The following AREL1 variants were observed in gnomAD, a reference collection of about 807,000 sequenced individuals.
AREL1 encodes apoptosis-resistant E3 ubiquitin protein ligase 1.
A neutral mutation model predicts 99.0 loss-of-function variants in AREL1; 62 were observed. That is an observed-to-expected ratio of 0.63 (90% confidence interval 0.51 to 0.77). The LOEUF (loss-of-function observed/expected upper bound fraction) is 0.77. AREL1 is among the 30% of genes least tolerant of loss of function. AREL1 has a pLI of 0.00. For missense variants in AREL1, 879 were observed against 1,027.6 expected (o/e 0.86, Z 1.98); for synonymous variants, 380 against 376.5 (o/e 1.01, Z -0.11).
At chr14:74,693,248 T>A (rs1359976847) in intron 1 of AREL1, among the ~76,000 whole-genome samples, 1 of 152,228 alleles carries the variant, frequency 6.6e-6, no homozygotes, top group Non-Finnish European at 1.5e-5. Context: ...CTATGCAGTC[T>A]GCTCCCTTCG....
At chr14:74,698,177 A>C (rs1186916857) in intron 1 of AREL1, among the ~76,000 whole-genome samples, 2 of 152,146 alleles carry the variant, frequency 1.3e-5, no homozygotes, top group Non-Finnish European at 2.9e-5. Flanking sequence ...TTACCACTAG[A>C]GGTACTTGAG....
intron 8 of AREL1, among the ~76,000 whole-genome samples, chr14:74,674,517 G>A (rs1300740030): frequency 6.6e-6 from 1 of 152,100 alleles, no homozygotes; most frequent in Admixed American, 6.5e-5. Context: ...CACAAGAATC[G>A]CTTGAACCCG....
At chr14:74,710,876 G>A (rs1394198424) in intron 1 of AREL1, among the ~76,000 whole-genome samples, 1 of 152,180 alleles carries the variant, frequency 6.6e-6, no homozygotes, top group African/African-American at 2.4e-5. Context: ...CCCAGGACCT[G>A]AAAACTTAAT....
rs1386794642 is a variant in AREL1 at position 74,675,829 on chromosome 14, A to G, written c.950T>C (p.Met317Thr). Residue 317 changes from methionine to threonine, a missense_variant, in exon 8 of 20, where the codon ATG (methionine) becomes ACG (threonine). Coordinates refer to ENST00000356357, the MANE Select transcript of AREL1 (RefSeq NM_001039479.2). ...CSSTPWHLPP[M>T]HMTSSQRRPS... is the part of the protein sequence containing the mutation. The stretch of plus-strand genomic sequence containing the variant: ...CCGGCGCTGGGAAGAGGTCATGTGC[A>G]TGGGTGGCAGGTGCCATGGAGTGCT... 4 of 1,614,194 alleles carry G rather than the reference A, an allele frequency of 2.5e-6. No homozygotes were observed. Among genetic ancestry groups the G allele is most frequent in the Middle Eastern group, 3.3e-4 (2 of 6,062 alleles).
At chr14:74,671,110 C>G (rs995640767) in intron 12 of AREL1, among the ~76,000 whole-genome samples, 2 of 152,018 alleles carry the variant, frequency 1.3e-5, no homozygotes, top group Non-Finnish European at 2.9e-5. Flanking sequence ...GTCGGAGATC[C>G]CAGGAAATGG....
chr14:74,690,922 A>G (rs1035116382), intron 2 of AREL1: 2 of 152,172 alleles, frequency 1.3e-5, no homozygotes, highest in Non-Finnish European at 2.9e-5. Flanking sequence ...GGTAAGATGA[A>G]TACTATTATT....
chr14:74,676,626 A>G lies in AREL1; in HGVS notation c.608T>C (p.Met203Thr). ...GTAATTGTGCTCATCTCTCAAGGAC[A>G]TGGAATTGTTGGTGGGATTATCATA... is the stretch of plus-strand genomic sequence containing the variant. ...DEYDNPTNNS[M>T]SLRDEHNYTL... The change falls in exon 6 of 20, where the codon ATG becomes ACG. Residue 203 changes from methionine to threonine, a missense_variant. By Grantham distance (81) the Met-to-Thr change is moderately conservative. Coordinates refer to ENST00000356357, the MANE Select transcript of AREL1 (RefSeq NM_001039479.2). The G allele has an allele frequency of 1.9e-6, 3 of 1,614,096 alleles. No homozygotes were observed. Among genetic ancestry groups the G allele is most frequent in the South Asian group, 1.1e-5 (1 of 91,072 alleles).
intron 1 of AREL1, among the ~76,000 whole-genome samples, chr14:74,697,998 A>C (rs989140105): frequency 6.6e-6 from 1 of 152,186 alleles, no homozygotes; most frequent in African/African-American, 2.4e-5. Flanking sequence ...GGGAGAAAAA[A>C]AAATTTCATG....
chr14:74,677,748 G>A (rs1012273974), intron 5 of AREL1, among the ~76,000 whole-genome samples: 9 of 149,808 alleles, frequency 6.0e-5, no homozygotes, highest in Admixed American at 3.3e-4. Context: ...TAATTTGCCC[G>A]CCTCGGCCTC....
intron 1 of AREL1, chr14:74,712,068 G>GAAAAAAAAAAAAAAAAAAA (rs1365570759): frequency 1.1e-4 from 7 of 61,724 alleles, no homozygotes; most frequent in African/African-American, 3.4e-4. Context: ...AAAAAAAAAA[G>GAAAAAAAAAAAAAAAAAAA]AAAAAAAAAG....
intron 3 of AREL1, 140 bp from the exon 4 acceptor site, chr14:74,684,820 C>T (rs767055297): frequency 2.8e-5 from 20 of 711,464 alleles, no homozygotes; most frequent in Non-Finnish European, 4.7e-5. Context: ...CTGCACTGGG[C>T]ACTACCTCTG....
intron 1 of AREL1, among the ~76,000 whole-genome samples, chr14:74,692,625 T>C (rs980603559): frequency 2.0e-5 from 3 of 152,188 alleles, no homozygotes; most frequent in Non-Finnish European, 4.4e-5. Flanking sequence ...TACTTCCCTA[T>C]CCTTATGACA....
At chr14:74,681,620 A>C (rs773110486) in intron 5 of AREL1, among the ~76,000 whole-genome samples, 17 of 152,006 alleles carry the variant, frequency 1.1e-4, no homozygotes, top group Non-Finnish European at 1.9e-4. Flanking sequence ...TAAAAATACA[A>C]AAATTAGCTG....
At chr14:74,666,125 G>A (rs2089203979) in intron 17 of AREL1, among the ~76,000 whole-genome samples, 1 of 152,156 alleles carries the variant, frequency 6.6e-6, no homozygotes, top group Non-Finnish European at 1.5e-5. Flanking sequence ...AATTACAGAA[G>A]ATTTTGATTC....
chr14:74,712,749 C>T (rs2090337112), intron 1 of AREL1, 184 bp downstream of exon 1: 2 of 311,592 alleles, frequency 6.4e-6, no homozygotes, highest in Admixed American at 4.3e-5. Flanking sequence ...ATAGGAACCA[C>T]AGCCTCAGGG....
At chr14:74,677,748 G>C (rs1012273974) in intron 5 of AREL1, among the ~76,000 whole-genome samples, 1 of 149,720 alleles carries the variant, frequency 6.7e-6, no homozygotes, top group African/African-American at 2.5e-5. Flanking sequence ...TAATTTGCCC[G>C]CCTCGGCCTC....
chr14:74,710,948 G>C (rs2140002610), intron 1 of AREL1, among the ~76,000 whole-genome samples: 1 of 152,252 alleles, frequency 6.6e-6, no homozygotes, highest in South Asian at 2.1e-4. Context: ...AAATTGGGCT[G>C]GTGCCAGGCA....
intron 2 of AREL1, among the ~76,000 whole-genome samples, chr14:74,688,019 C>CATTTTTTTTTT (rs1566693658): frequency 9.2e-6 from 1 of 108,704 alleles, no homozygotes; most frequent in Non-Finnish European, 1.9e-5. Flanking sequence ...TGAGTACTTA[C>CATTTTTTTTTT]TTTTTTTTTT....
At chr14:74,672,006 C>T (rs1300721601) in intron 11 of AREL1, 4 of 455,436 alleles carry the variant, frequency 8.8e-6, no homozygotes, top group South Asian at 1.6e-5. Context: ...GGACAGGAAC[C>T]AAGCCTTCTC....
Sources: gnomAD v4.1 joint callset for allele counts (sites outside exome capture counted in the v4.1 genomes callset) on GRCh38, gnomAD v4.1.1 for gene constraint, MANE v1.5 for transcripts, NCBI Gene and HGNC (gene_info 2026-07-23, HGNC 2026-07-21) for gene names.